ST3GAL2: variants seen among roughly 807,000 people sequenced by gnomAD.
ST3GAL2 encodes CMP-N-acetylneuraminate-beta-galactosamide-alpha-2,3-sialyltransferase 2.
A neutral mutation model predicts 37.5 loss-of-function variants in ST3GAL2; 16 were observed. That is an observed-to-expected ratio of 0.43 (90% CI 0.29 to 0.65). The LOEUF is 0.65. ST3GAL2 is among the 30% of genes least tolerant of loss of function. The pLI is 0.17. For missense variants in ST3GAL2, 383 were observed against 487.8 expected (o/e 0.79, Z 2.02); for synonymous variants, 238 against 202.9 (o/e 1.17, Z -1.47).
In ST3GAL2 at chr16:70,381,589, T is replaced by G; in HGVS notation, c.*100A>C. On this transcript the variant is annotated 3_prime_UTR_variant, in exon 7 of 7. Transcript: ENST00000342907. The stretch of plus-strand genomic sequence containing the variant: ...ATTGGCGGGGCACAGCAGACGCCCC[T>G]GGGCTGCAGCATGATTGGTCGCGGG... 1 of 1,440,676 alleles carries G rather than the reference T, an allele frequency of 6.9e-7. No homozygotes were observed. The allele number at this position is 1,440,676 out of a possible 1,614,324, so 89.2% of individuals were successfully genotyped here.
chr16:70,416,791 T>C (rs560580411), intron 1 of ST3GAL2, among the ~76,000 whole-genome samples: 3 of 151,754 alleles, frequency 2.0e-5, no homozygotes, highest in Non-Finnish European at 2.9e-5. Flanking sequence ...TCTGAGCCTG[T>C]GGGAAAGGGG....
chr16:70,407,337 C>T (rs1203573525), intron 1 of ST3GAL2, among the ~76,000 whole-genome samples: 3 of 152,106 alleles, frequency 2.0e-5, no homozygotes, highest in Non-Finnish European at 4.4e-5. Context: ...GATGAGGTTT[C>T]GCCATGTTGG....
chr16:70,410,240 CTTTTTTTT>C (rs751045679), intron 1 of ST3GAL2, among the ~76,000 whole-genome samples: 4 of 62,662 alleles, frequency 6.4e-5, no homozygotes, highest in Non-Finnish European at 8.7e-5. Context: ...CCACCCTCAC[CTTTTTTTT>C]TTTTTTTTTT....
intron 1 of ST3GAL2, among the ~76,000 whole-genome samples, chr16:70,415,861 C>T (rs900224064): frequency 2.0e-5 from 3 of 150,586 alleles, no homozygotes; most frequent in Non-Finnish European, 4.4e-5. Context: ...CCGCAACCTC[C>T]GCCTCCCGGG....
At position 70,381,775 on chromosome 16, in the gene ST3GAL2, T is replaced by G; in HGVS notation, c.967A>C (p.Thr323Pro). The change falls in exon 7 of 7, where the codon ACT (threonine) becomes CCT (proline). Residue 323 changes from threonine to proline, a missense_variant. Coordinates refer to ENST00000342907, the MANE Select transcript of ST3GAL2 (RefSeq NM_006927.4). ...NNRYAGEFRK[T>P]GVHDADFEAH... is the part of the protein sequence containing the mutation. The stretch of plus-strand genomic sequence containing the variant: ...TCGAAGTCCGCGTCGTGCACGCCAG[T>G]CTTCCGGAACTCGCCCGCGTACCGG... 1 of 1,614,078 alleles carries G rather than the reference T, an allele frequency of 6.2e-7. No individual in the cohort carries two copies. The highest frequency in any genetic ancestry group is 8.5e-7 in the Non-Finnish European group (1 of 1,179,948).
At chr16:70,410,427 G>A (rs1157789384) in intron 1 of ST3GAL2, among the ~76,000 whole-genome samples, 1 of 149,514 alleles carries the variant, frequency 6.7e-6, no homozygotes. Flanking sequence ...ATTTTTTTTT[G>A]TATTTTTAGT....
intron 6 of ST3GAL2, 22 bp downstream of exon 6, chr16:70,382,783 C>T: frequency 6.2e-7 from 1 of 1,613,728 alleles, no homozygotes; most frequent in Non-Finnish European, 8.5e-7. Context: ...GTTCCCACCA[C>T]CCACACCACG....
chr16:70,437,497 G>GCC (rs1162461239), intron 1 of ST3GAL2, among the ~76,000 whole-genome samples: 2 of 110,192 alleles, frequency 1.8e-5, no homozygotes, highest in African/African-American at 7.5e-5. Context: ...ATCCCCCTCT[G>GCC]CCCCCCCCGC....
intron 2 of ST3GAL2, 132 bp from the exon 3 acceptor site, chr16:70,395,307 A>G: frequency 1.2e-6 from 1 of 821,896 alleles, no homozygotes; most frequent in South Asian, 1.9e-5. Context: ...GGGCTCTGCC[A>G]GGGAACAGGG....
At chr16:70,415,250 G>GA (rs146160734) in intron 1 of ST3GAL2, among the ~76,000 whole-genome samples, 5,686 of 151,944 alleles carry the variant, frequency 0.037, 385 homozygotes, top group African/African-American at 0.13. Flanking sequence ...TGTTAGGGAT[G>GA]AGCTGCCCCA....
At chr16:70,397,450 A>G (rs1047769911) in intron 2 of ST3GAL2, among the ~76,000 whole-genome samples, 5 of 149,856 alleles carry the variant, frequency 3.3e-5, no homozygotes, top group Non-Finnish European at 1.5e-5. Flanking sequence ...TTGGCTGGGC[A>G]TGGTGGCTCA....
chr16:70,385,050 A>C (rs1567665245), intron 4 of ST3GAL2, among the ~76,000 whole-genome samples: 1 of 152,178 alleles, frequency 6.6e-6, no homozygotes, highest in Non-Finnish European at 1.5e-5. Flanking sequence ...TCCTGCCTGT[A>C]ATCCCAGCAC....
rs567688682 is a variant in ST3GAL2, at chr16:70,439,022, TCGC to T, written c.-1080_-1078del. ...CCGCCGCCGCCCGCGCAGAAAGCCG[TCGC>T]CGCCGCCGCCGCCGCCGCCGCCGTC... On this transcript the variant is annotated 5_prime_UTR_variant, in exon 1 of 7. Coordinates refer to ENST00000342907, the MANE Select transcript of ST3GAL2 (RefSeq NM_006927.4). The T allele has an allele frequency of 9.8e-4, 153 of 156,694 alleles. 2 individuals carry two copies. The highest frequency in any genetic ancestry group is 3.3e-3 in the South Asian group (18 of 5,512). 9.7% of individuals were successfully genotyped at this position (156,694 alleles called of 1,614,324 possible).
chr16:70,398,582 T>C lies in ST3GAL2; in HGVS notation c.-52A>G, dbSNP rs2047534046. The C allele has an allele frequency of 1.3e-6, 2 of 1,506,456 alleles. No individual in the cohort carries two copies. The highest frequency in any genetic ancestry group is 1.4e-5 in the African/African-American group (1 of 72,650). The allele number at this position is 1,506,456 out of a possible 1,614,324, so 93.3% of individuals were successfully genotyped here. A position where few individuals can be genotyped will look rare whatever the true frequency, so the allele number is the denominator to read the frequency against. On this transcript the variant is annotated 5_prime_UTR_variant, in exon 2 of 7. Transcript: ENST00000342907. Reference sequence around the variant, plus strand: ...CGTGGCCACTCTTTTCCCAGCCCGCTGAGGGGCCAGCCACGGCGTAGCCTG... The same window carrying C: ...CGTGGCCACTCTTTTCCCAGCCCGCCGAGGGGCCAGCCACGGCGTAGCCTG...
chr16:70,425,651 G>A (rs1423624320), intron 1 of ST3GAL2, among the ~76,000 whole-genome samples: 4 of 152,120 alleles, frequency 2.6e-5, no homozygotes, highest in Admixed American at 6.5e-5. Flanking sequence ...CCCGAGAGGT[G>A]GAAGCTGCAG....
chr16:70,408,890 CA>C (rs59060353), intron 1 of ST3GAL2, among the ~76,000 whole-genome samples: 1,006 of 59,230 alleles, frequency 0.017, 4 homozygotes, highest in Middle Eastern at 0.043. Flanking sequence ...CTCAAAGAAA[CA>C]AAAAAAAAAA....
At chr16:70,394,216 G>A (rs192363511) in intron 3 of ST3GAL2, among the ~76,000 whole-genome samples, 13 of 152,280 alleles carry the variant, frequency 8.5e-5, no homozygotes, top group Admixed American at 5.9e-4. Context: ...ATGAGCCCTA[G>A]AGCAAATACC....
At chr16:70,424,493 C>T (rs985158324) in intron 1 of ST3GAL2, among the ~76,000 whole-genome samples, 1 of 151,526 alleles carries the variant, frequency 6.6e-6, no homozygotes, top group African/African-American at 2.4e-5. Flanking sequence ...CCCAGCTACT[C>T]GGGAGGCTGA....
intron 1 of ST3GAL2, among the ~76,000 whole-genome samples, chr16:70,408,035 G>A (rs1410882176): frequency 2.0e-5 from 3 of 152,086 alleles, no homozygotes; most frequent in Non-Finnish European, 4.4e-5. Context: ...GCCTGAGGAC[G>A]TGTCCCAAAG....
Sources: allele counts gnomAD v4.1 joint callset (sites outside exome capture counted in the v4.1 genomes callset), GRCh38; gene constraint gnomAD v4.1.1; transcripts MANE v1.5; gene names NCBI Gene and HGNC (gene_info 2026-07-23, HGNC 2026-07-21).